RPS6KA2: variants seen among roughly 807,000 people sequenced by gnomAD.
RPS6KA2 encodes ribosomal protein S6 kinase A2.
A neutral mutation model predicts 91.8 loss-of-function variants in RPS6KA2; 42 were observed. The observed-to-expected ratio is 0.46, with a 90% CI of 0.36 to 0.59. RPS6KA2 has a LOEUF of 0.59. Ranked by LOEUF, RPS6KA2 falls within the 20% of genes least tolerant of loss-of-function variation. RPS6KA2 has a pLI of 0.00. For missense variants in RPS6KA2, 798 were observed against 978.5 expected (o/e 0.82, Z 2.46); for synonymous variants, 414 against 393.6 (o/e 1.05, Z -0.61).
intron 10 of RPS6KA2, among the ~76,000 whole-genome samples, chr6:166,477,387 C>T (rs1223137083): frequency 6.6e-6 from 1 of 152,140 alleles, no homozygotes; most frequent in Non-Finnish European, 1.5e-5. Context: ...GAGGTAGCTC[C>T]ATCTTTCTCT....
chr6:166,810,269 G>T (rs1466141554), intron 2 of RPS6KA2, among the ~76,000 whole-genome samples: 1 of 152,138 alleles, frequency 6.6e-6, no homozygotes, highest in Non-Finnish European at 1.5e-5. Context: ...GAGATTTTGG[G>T]TGGGGACACA....
chr6:166,696,115 G>A (rs1262593838), intron 2 of RPS6KA2, among the ~76,000 whole-genome samples: 1 of 152,190 alleles, frequency 6.6e-6, no homozygotes, highest in Non-Finnish European at 1.5e-5. Flanking sequence ...GTTGGGGACG[G>A]CCGTTTTAGG....
chr6:166,815,193 T>A (rs1224765844), intron 2 of RPS6KA2, among the ~76,000 whole-genome samples: 1 of 152,226 alleles, frequency 6.6e-6, no homozygotes, highest in Admixed American at 6.5e-5. Context: ...CCATGAAACA[T>A]GAATTTAAGA....
At chr6:166,728,200 G>A (rs1406747273) in intron 2 of RPS6KA2, among the ~76,000 whole-genome samples, 4 of 152,204 alleles carry the variant, frequency 2.6e-5, no homozygotes, top group Non-Finnish European at 4.4e-5. Context: ...AGATGCAGAG[G>A]GGTGGCTGTA....
chr6:166,626,849 G>T lies in RPS6KA2; in HGVS notation c.99+72C>A, dbSNP rs1363981003. On this transcript the variant is annotated intron_variant, in intron 1 of 20. Transcript: ENST00000265678. The surrounding 1 kb of genome is among the most constrained non-coding windows in gnomAD (Gnocchi z 4.1). Reference sequence around the variant, plus strand: ...GGGTCTCGGGGTCCACCCAGGGGTGGCGAGGCGGGCTCGGGCGACCACGGC... The same window carrying T: ...GGGTCTCGGGGTCCACCCAGGGGTGTCGAGGCGGGCTCGGGCGACCACGGC... 3.1e-6 allele frequency: 4 copies of T among 1,278,424 alleles called. No homozygotes were observed. The Admixed American group carries it at 1.4e-4, about 43-fold the overall frequency. 79.2% of individuals were successfully genotyped at this position (1,278,424 alleles called of 1,614,324 possible). A position where few individuals can be genotyped will look rare whatever the true frequency, so the allele number is the denominator to read the frequency against.
At chr6:166,823,872 G>A (rs987953726) in intron 2 of RPS6KA2, among the ~76,000 whole-genome samples, 2 of 152,152 alleles carry the variant, frequency 1.3e-5, no homozygotes, top group African/African-American at 4.8e-5. Context: ...ACATGTTAGG[G>A]AAGACATAGA....
chr6:166,626,964 C>A lies in RPS6KA2; in HGVS notation c.56G>T (p.Arg19Leu), dbSNP rs1257263966. 6.4e-7 allele frequency: 1 copy of A among 1,566,024 alleles called. No homozygotes were observed. Among genetic ancestry groups the A allele is most frequent in the South Asian group, 1.2e-5 (1 of 86,144 alleles). The change falls in exon 1 of 21, where the codon CGC (arginine) becomes CTC (leucine). Residue 19 changes from arginine (R) to leucine (L), a missense_variant. Physicochemically the swap from Arg to Leu is moderately radical, Grantham distance 102. Coordinates refer to ENST00000265678, the MANE Select transcript of RPS6KA2 (RefSeq NM_021135.6). The surrounding 1 kb of genome is among the most constrained non-coding windows in gnomAD (Gnocchi z 4.1). ...AVRRFFSVYLRRKSRSKSSSL... is the reference protein window; with the variant it reads ...AVRRFFSVYLLRKSRSKSSSL... ...GGAGCTCTTGGAGCGCGACTTCCTG[C>A]GCAGGTACACAGAGAAGAACCTGCG...
At chr6:166,687,625 T>C (rs1789065938) in intron 2 of RPS6KA2, among the ~76,000 whole-genome samples, 1 of 152,254 alleles carries the variant, frequency 6.6e-6, no homozygotes, top group Non-Finnish European at 1.5e-5. Flanking sequence ...TACTGAATTA[T>C]TTGAATTGCA....
At chr6:166,815,419 G>A (rs562303956) in intron 2 of RPS6KA2, among the ~76,000 whole-genome samples, 22 of 152,258 alleles carry the variant, frequency 1.4e-4, no homozygotes, top group African/African-American at 5.1e-4. Flanking sequence ...AAACTGCTGA[G>A]CTTTTTAGCC....
intron 2 of RPS6KA2, among the ~76,000 whole-genome samples, chr6:166,643,603 C>T (rs1787516504): frequency 6.6e-6 from 1 of 152,104 alleles, no homozygotes; most frequent in African/African-American, 2.4e-5. Context: ...TTGACAAATC[C>T]ATTATTATTT....
rs1778336156 is a variant in RPS6KA2 at position 166,767,273 on chromosome 6, T to A, written c.123+90927A>T. 6.6e-6 allele frequency among the ~76,000 whole-genome samples: 1 copy of A among 152,098 alleles called. No individual in the cohort carries two copies. The highest frequency in any genetic ancestry group is 1.5e-5 in the Non-Finnish European group (1 of 68,022). On this transcript the variant is annotated intron_variant, in intron 2 of 21. Coordinates refer to the RPS6KA2 transcript ENST00000503859. This position sits in a 1 kb window ranked among gnomAD's most constrained non-coding sequence, Gnocchi z 4.6. ...AAGCAAAATACAACTGCGACTACCG[T>A]CTCACACGCTTCAGCTTGCAAGGCA...
rs118188109 is a variant in RPS6KA2 at position 166,841,778 on chromosome 6, G to A, written c.123+16422C>T. On this transcript the variant is annotated intron_variant, in intron 2 of 21. Transcript: ENST00000503859. ...TGACATGGTATGACGGTAACACCCC[G>A]TGACCACTCTCTAAAGAGATGAGGA... is the stretch of plus-strand genomic sequence containing the variant. Among the ~76,000 whole-genome samples, 1,007 of 152,338 alleles carry A rather than the reference G, an allele frequency of 6.6e-3. 5 individuals are homozygous for A. Among genetic ancestry groups the A allele is most frequent in the Non-Finnish European group, 8.4e-3 (571 of 68,032 alleles).
At chr6:166,659,621 A>C (rs1373710413) in intron 2 of RPS6KA2, among the ~76,000 whole-genome samples, 1 of 152,240 alleles carries the variant, frequency 6.6e-6, no homozygotes, top group Admixed American at 6.5e-5. Context: ...GTGGAGCGTA[A>C]GGAGAAGGAG....
intron 2 of RPS6KA2, among the ~76,000 whole-genome samples, chr6:166,738,096 G>A (rs1310261184): frequency 1.3e-5 from 2 of 152,074 alleles, no homozygotes; most frequent in Admixed American, 1.3e-4. Context: ...AGTACATGTG[G>A]ATATTTCTTC....
At chr6:166,757,594 C>T in intron 2 of RPS6KA2, 2 of 456,294 alleles carry the variant, frequency 4.4e-6, no homozygotes, top group South Asian at 3.1e-5. Context: ...CTCCCCAGGT[C>T]CCGGGGGCCG....
At position 166,423,224 on chromosome 6, in the gene RPS6KA2, G is replaced by C. The variant is rs1488010832; in HGVS notation, c.1743+32C>G. 1 of 1,581,494 alleles carries C rather than the reference G, an allele frequency of 6.3e-7. No individual in the cohort carries two copies. On this transcript the variant is annotated intron_variant, in intron 17 of 20. Coordinates refer to ENST00000265678, the MANE Select transcript of RPS6KA2 (RefSeq NM_021135.6). The surrounding 1 kb of genome is among the most constrained non-coding windows in gnomAD (Gnocchi z 4.8). ...GGCAGAGCCTGTCTTTGCGGATAGA[G>C]AGGCCTGGGTCTGCAGTCGGGGAAT...
At chr6:166,474,206 C>T (rs575758702) in intron 10 of RPS6KA2, among the ~76,000 whole-genome samples, 1 of 152,102 alleles carries the variant, frequency 6.6e-6, no homozygotes. Context: ...GCAGTCCCAG[C>T]AATGCCAGTA....
At chr6:166,761,750 T>C (rs1038753548) in intron 2 of RPS6KA2, among the ~76,000 whole-genome samples, 2 of 151,904 alleles carry the variant, frequency 1.3e-5, no homozygotes, top group African/African-American at 2.4e-5. Context: ...TCACTGGGAG[T>C]GAGTTGTACC....
At chr6:166,855,181 G>A (rs1708506502) in intron 2 of RPS6KA2, among the ~76,000 whole-genome samples, 1 of 152,172 alleles carries the variant, frequency 6.6e-6, no homozygotes, top group South Asian at 2.1e-4. Flanking sequence ...TACAAAAGGT[G>A]GGAGCGTGGG....
Sources: allele counts gnomAD v4.1 joint callset (sites outside exome capture counted in the v4.1 genomes callset), GRCh38; gene constraint gnomAD v4.1.1; non-coding constraint Gnocchi (gnomAD v3.1); transcripts MANE v1.5; gene names NCBI Gene and HGNC (gene_info 2026-07-23, HGNC 2026-07-21).